PRRT3: variants seen among roughly 807,000 people sequenced by gnomAD.
PRRT3 encodes the protein proline rich transmembrane protein 3.
In PRRT3, 48 loss-of-function variants were observed where a neutral mutation model predicts 56.6. The observed-to-expected ratio is 0.85, with a 90% CI of 0.67 to 1.08. The LOEUF is 1.08. Among genes scored for constraint, PRRT3 ranks in the 50% least tolerant of loss-of-function variants. The probability of loss-of-function intolerance (pLI) is 0.00; values close to 1 mark genes in which losing one functional copy is unlikely to be tolerated. For missense variants in PRRT3, 1,370 were observed against 1,353.1 expected, an observed-to-expected ratio of 1.01 and a Z score of -0.20; for synonymous variants, 641 against 619.1, an observed-to-expected ratio of 1.04 and a Z score of -0.52.
Position 9,947,259 on chromosome 3 carries a change from C to G in PRRT3, c.1914G>C (p.Arg638=). 1 of 1,510,072 alleles carries G rather than the reference C, an allele frequency of 6.6e-7. No homozygotes were observed. The highest frequency in any genetic ancestry group is 1.3e-5 in the South Asian group (1 of 79,904). 93.5% of individuals were successfully genotyped at this position (1,510,072 alleles called of 1,614,324 possible). ...CCAGCGCGCCCGCCACAGCCAACAGCCGAGGGCCCGGGCTGGCATCCCAGC... is the reference window on the plus strand; with the variant it reads ...CCAGCGCGCCCGCCACAGCCAACAGGCGAGGGCCCGGGCTGGCATCCCAGC... ...PRGWDASPGP[R]LLAVAGALGL... is the part of the protein sequence containing the mutation. Residue 638 remains arginine, a synonymous_variant, in exon 4 of 4, where the codon CGG becomes CGC. Coordinates refer to ENST00000412055, the MANE Select transcript of PRRT3 (RefSeq NM_207351.5). The surrounding 1 kb of genome is among the most constrained non-coding windows in gnomAD (Gnocchi z 9.2).
At position 9,947,133 on chromosome 3, in the gene PRRT3, G is replaced by C. The variant is rs1419046599; in HGVS notation, c.2040C>G (p.Phe680Leu). The change falls in exon 4 of 4, where the codon TTC becomes TTG. Residue 680 changes from phenylalanine to leucine, a missense_variant. By Grantham distance (22) the Phe-to-Leu change is conservative. Coordinates refer to ENST00000412055, the MANE Select transcript of PRRT3 (RefSeq NM_207351.5). The surrounding 1 kb of genome is among the most constrained non-coding windows in gnomAD (Gnocchi z 9.2). The stretch of plus-strand genomic sequence containing the variant: ...ATGTCAGCTCCAGGAGGCGCAGCCA[G>C]AAGTGGACACCCCACCAGGCCCACG... ...RFSWAWWGVH[F>L]WLRLLELTWA... The C allele has an allele frequency of 6.5e-7, 1 of 1,538,906 alleles. No individual in the cohort carries two copies. Among genetic ancestry groups the C allele is most frequent in the Non-Finnish European group, 8.7e-7 (1 of 1,148,024 alleles).
intron 1 of PRRT3, among the ~76,000 whole-genome samples, chr3:9,951,640 T>C (rs1263307318): frequency 6.6e-6 from 1 of 152,184 alleles, no homozygotes; most frequent in Non-Finnish European, 1.5e-5. Flanking sequence ...AGGGGTGCGC[T>C]GAGACGCCCC....
chr3:9,947,103 C>G lies in PRRT3; in HGVS notation c.2070G>C (p.Ala690=). 1.3e-6 allele frequency: 2 copies of G among 1,537,132 alleles called. No individual in the cohort carries two copies. The change falls in exon 4 of 4, where the codon GCG becomes GCC. Residue 690 remains alanine, a synonymous_variant. Coordinates refer to ENST00000412055, the MANE Select transcript of PRRT3 (RefSeq NM_207351.5). This position sits in a 1 kb window ranked among gnomAD's most constrained non-coding sequence, Gnocchi z 9.2. ...FWLRLLELTW[A]LALALAAVAA... ...CCACCGCGGCCAACGCCAGGGCGAG[C>G]GCCCATGTCAGCTCCAGGAGGCGCA...
At position 9,946,356 on chromosome 3, in the gene PRRT3, C is replaced by T. The variant is rs989539797; in HGVS notation, c.2817G>A (p.Gln939=). The T allele has an allele frequency of 5.0e-6, 8 of 1,610,954 alleles. No individual in the cohort carries two copies. Among genetic ancestry groups the T allele is most frequent in the Non-Finnish European group, 6.8e-6 (8 of 1,178,860 alleles). ...LPLDELPSTV[Q]LLPAPTPAPD... is the part of the protein sequence containing the mutation. ...GGGCTGGGGTCGGGGCAGGCAGTAG[C>T]TGTACCGTGCTGGGCAACTCATCTA... The change falls in exon 4 of 4, where the codon CAG becomes CAA. Residue 939 remains glutamine (Q), a synonymous_variant. Transcript: ENST00000412055. The surrounding 1 kb of genome is among the most constrained non-coding windows in gnomAD (Gnocchi z 4.1).
chr3:9,947,935 G>C lies in PRRT3; in HGVS notation c.1238C>G (p.Ser413Trp). The change falls in exon 4 of 4, where the codon TCG becomes TGG. Residue 413 changes from serine (S) to tryptophan (W), a missense_variant. Physicochemically the swap from Ser to Trp is radical, Grantham distance 177. Coordinates refer to ENST00000412055, the MANE Select transcript of PRRT3 (RefSeq NM_207351.5). The surrounding 1 kb of genome is among the most constrained non-coding windows in gnomAD (Gnocchi z 9.2). ...HPPAPPVQAP[S>W]TSRRGLIRVT... is the part of the protein sequence containing the mutation. ...TCGAATGAGGCCCCGGCGTGACGTC[G>C]AGGGGGCCTGGACTGGGGGTGCTGG... 7.1e-7 allele frequency: 1 copy of C among 1,414,342 alleles called. No homozygotes were observed. Among genetic ancestry groups the C allele is most frequent in the East Asian group, 2.7e-5 (1 of 36,784 alleles). 87.6% of individuals were successfully genotyped at this position (1,414,342 alleles called of 1,614,324 possible). A position where few individuals can be genotyped will look rare whatever the true frequency, so the allele number is the denominator to read the frequency against.
chr3:9,946,895 C>G lies in PRRT3; in HGVS notation c.2278G>C (p.Glu760Gln), dbSNP rs2085533729. 4 of 1,539,094 alleles carry G rather than the reference C, an allele frequency of 2.6e-6. No individual in the cohort carries two copies. The highest frequency in any genetic ancestry group is 2.0e-5 in the Admixed American group (1 of 51,224). The part of the protein sequence containing the change: ...ISKSLIRNPA[E>Q]SGQLATPSSG... ...CTGGGCGTGGCCAGCTGCCCACTCT[C>G]CGCCGGGTTGCGGATGAGGCTCTTG... is the stretch of plus-strand genomic sequence containing the variant. Residue 760 changes from glutamate (E) to glutamine (Q), a missense_variant, in exon 4 of 4, where the codon GAG becomes CAG. Physicochemically the swap from Glu to Gln is conservative, Grantham distance 29. Coordinates refer to ENST00000412055, the MANE Select transcript of PRRT3 (RefSeq NM_207351.5). This position sits in a 1 kb window ranked among gnomAD's most constrained non-coding sequence, Gnocchi z 4.1.
Position 9,946,204 on chromosome 3 carries a change from T to C in PRRT3, c.*23A>G. The C allele has an allele frequency of 6.2e-7, 1 of 1,606,086 alleles. No individual in the cohort carries two copies. The highest frequency in any genetic ancestry group is 1.7e-5 in the Admixed American group (1 of 59,348). ...GCCATGTGGGCATCGGGCAGGGTCCTGGCCCTGCGTCAGGACCGCTCTTCA... is the reference window on the plus strand; with the variant it reads ...GCCATGTGGGCATCGGGCAGGGTCCCGGCCCTGCGTCAGGACCGCTCTTCA... On this transcript the variant is annotated 3_prime_UTR_variant, in exon 4 of 4. Transcript: ENST00000412055. This position sits in a 1 kb window ranked among gnomAD's most constrained non-coding sequence, Gnocchi z 4.1.
Position 9,949,362 on chromosome 3 carries a change from C to A in PRRT3, c.754G>T (p.Val252Phe), listed in dbSNP as rs774085687. 9.9e-6 allele frequency: 16 copies of A among 1,614,090 alleles called. No individual in the cohort carries two copies. Among genetic ancestry groups the A allele is most frequent in the Non-Finnish European group, 1.3e-5 (15 of 1,180,052 alleles). ...ACCTCAACTGGGGGTACTGAGCCAA[C>A]ATCAGGGGCTGCTGGATCCTGCTGG... ...FTQQDPAAPD[V>F]GSVPPVEVVY... The change falls in exon 2 of 4, where the codon GTT becomes TTT. Residue 252 changes from valine (V) to phenylalanine (F), a missense_variant. Val to Phe is a conservative substitution (Grantham distance 50). Coordinates refer to ENST00000412055, the MANE Select transcript of PRRT3 (RefSeq NM_207351.5). The surrounding 1 kb of genome is among the most constrained non-coding windows in gnomAD (Gnocchi z 4.5).
In PRRT3 at chr3:9,946,530, G is replaced by A; in HGVS notation, c.2643C>T (p.Arg881=). The A allele has an allele frequency of 6.8e-7, 1 of 1,467,906 alleles. No homozygotes were observed. The highest frequency in any genetic ancestry group is 9.0e-7 in the Non-Finnish European group (1 of 1,107,780). 90.9% of individuals were successfully genotyped at this position (1,467,906 alleles called of 1,614,324 possible). ...CCACTACGTGCTGTGGGACCGGCCCGCGCACGCGCACGTCGCTGAGCGACC... is the reference window on the plus strand; with the variant it reads ...CCACTACGTGCTGTGGGACCGGCCCACGCACGCGCACGTCGCTGAGCGACC... The part of the protein sequence containing the change: ...RCRSLSDVRV[R]GPVPQHVVEA... The change falls in exon 4 of 4, where the codon CGC becomes CGT. Residue 881 remains arginine, a synonymous_variant. Transcript: ENST00000412055. The surrounding 1 kb of genome is among the most constrained non-coding windows in gnomAD (Gnocchi z 4.1).
In PRRT3 at chr3:9,950,033, C is replaced by T; in HGVS notation, c.83G>A (p.Arg28Lys). Residue 28 changes from arginine to lysine, a missense_variant, in exon 2 of 4, where the codon AGG becomes AAG. Coordinates refer to ENST00000412055, the MANE Select transcript of PRRT3 (RefSeq NM_207351.5). ...PLLGTGPALGRGFPRPLENSE... is the reference protein window; with the variant it reads ...PLLGTGPALGKGFPRPLENSE... ...GTTTTCAAGTGGCCTGGGAAAGCCC[C>T]TCCCCAGGGCAGGGCCAGTCCCCAG... is the stretch of plus-strand genomic sequence containing the variant. 2 of 1,523,240 alleles carry T rather than the reference C, an allele frequency of 1.3e-6. No individual in the cohort carries two copies. The highest frequency in any genetic ancestry group is 1.8e-6 in the Non-Finnish European group (2 of 1,138,734). The allele number at this position is 1,523,240 out of a possible 1,614,324, so 94.4% of individuals were successfully genotyped here.
chr3:9,946,906 C>A lies in PRRT3; in HGVS notation c.2267G>T (p.Arg756Leu). 6.5e-7 allele frequency: 1 copy of A among 1,539,324 alleles called. No individual in the cohort carries two copies. The highest frequency in any genetic ancestry group is 1.2e-5 in the South Asian group (1 of 84,372). Residue 756 changes from arginine to leucine, a missense_variant, in exon 4 of 4, where the codon CGC (arginine) becomes CTC (leucine). Coordinates refer to ENST00000412055, the MANE Select transcript of PRRT3 (RefSeq NM_207351.5). The surrounding 1 kb of genome is among the most constrained non-coding windows in gnomAD (Gnocchi z 4.1). The part of the protein sequence containing the change: ...GSLDISKSLI[R>L]NPAESGQLAT... Reference sequence around the variant, plus strand: ...CAGCTGCCCACTCTCCGCCGGGTTGCGGATGAGGCTCTTGCTGATGTCCAA... The same window carrying A: ...CAGCTGCCCACTCTCCGCCGGGTTGAGGATGAGGCTCTTGCTGATGTCCAA...
In PRRT3 at chr3:9,949,266, GCTC is replaced by G. The variant is rs1344739438; in HGVS notation, c.847_849del (p.Glu283del). 6.2e-7 allele frequency: 1 copy of G among 1,604,810 alleles called. No homozygotes were observed. The highest frequency in any genetic ancestry group is 1.1e-5 in the South Asian group (1 of 90,166). Reference sequence around the variant, plus strand: ...GCCCTCTTGGGGGTCTCAACCGGCAGCTCCTCAGCAGGAGGAAGGCTTCTGGCC... The same window carrying G: ...GCCCTCTTGGGGGTCTCAACCGGCAGCTCAGCAGGAGGAAGGCTTCTGGCC... On this transcript the variant is annotated inframe_deletion, in exon 2 of 4. Coordinates refer to ENST00000412055, the MANE Select transcript of PRRT3 (RefSeq NM_207351.5). The surrounding 1 kb of genome is among the most constrained non-coding windows in gnomAD (Gnocchi z 4.5).
chr3:9,948,068 G>T, intron 3 of PRRT3, 67 bp from the exon 4 acceptor site: 1 of 1,268,552 alleles, frequency 7.9e-7, no homozygotes, highest in Non-Finnish European at 9.9e-7. Context: ...ACCCTCTAGT[G>T]TGGTTGGCAA....
At position 9,946,888 on chromosome 3, in the gene PRRT3, C is replaced by T. The variant is rs2085533580; in HGVS notation, c.2285G>A (p.Gly762Glu). The T allele has an allele frequency of 1.3e-6, 2 of 1,538,952 alleles. No homozygotes were observed. The highest frequency in any genetic ancestry group is 2.0e-5 in the Admixed American group (1 of 51,234). Residue 762 changes from glycine to glutamate, a missense_variant, in exon 4 of 4, where the codon GGG becomes GAG. Physicochemically the swap from Gly to Glu is moderately conservative, Grantham distance 98 (BLOSUM62 -2). Coordinates refer to ENST00000412055, the MANE Select transcript of PRRT3 (RefSeq NM_207351.5). This position sits in a 1 kb window ranked among gnomAD's most constrained non-coding sequence, Gnocchi z 4.1. Reference protein sequence around the residue: ...KSLIRNPAESGQLATPSSGAW... With the variant: ...KSLIRNPAESEQLATPSSGAW... Reference sequence around the variant, plus strand: ...GCCTGAACTGGGCGTGGCCAGCTGCCCACTCTCCGCCGGGTTGCGGATGAG... The same window carrying T: ...GCCTGAACTGGGCGTGGCCAGCTGCTCACTCTCCGCCGGGTTGCGGATGAG...
chr3:9,950,558 A>G (rs2085606878), intron 1 of PRRT3, among the ~76,000 whole-genome samples: 2 of 152,332 alleles, frequency 1.3e-5, no homozygotes, highest in African/African-American at 2.4e-5. Context: ...GCTGGAGTGC[A>G]GTGGCGTGAT....
At chr3:9,948,212 T>C in intron 3 of PRRT3, 1 of 424,584 alleles carries the variant, frequency 2.4e-6, no homozygotes, top group East Asian at 3.6e-5. Context: ...GCTATCATTT[T>C]CATTAATGCT....
At chr3:9,951,831 C>T (rs940360433) in intron 1 of PRRT3, among the ~76,000 whole-genome samples, 2 of 152,256 alleles carry the variant, frequency 1.3e-5, no homozygotes, top group African/African-American at 2.4e-5. Context: ...GGTCACACAG[C>T]TGAGTGGACA....
rs2085590921 is a variant in PRRT3 at position 9,949,697 on chromosome 3, T to G, written c.419A>C (p.Glu140Ala). 1 of 1,614,092 alleles carries G rather than the reference T, an allele frequency of 6.2e-7. No individual in the cohort carries two copies. The highest frequency in any genetic ancestry group is 2.2e-5 in the East Asian group (1 of 44,860). The change falls in exon 2 of 4, where the codon GAA becomes GCA. Residue 140 changes from glutamate to alanine, a missense_variant. Glu to Ala is a moderately radical substitution (Grantham distance 107). Coordinates refer to ENST00000412055, the MANE Select transcript of PRRT3 (RefSeq NM_207351.5). This position sits in a 1 kb window ranked among gnomAD's most constrained non-coding sequence, Gnocchi z 4.5. ...PLDSQELLQQ[E>A]AVAPHPVGHP... ...GCCCACTGGGTGGGGAGCCACTGCT[T>G]CTTGCTGCAGAAGCTCTTGTGAGTC...
At position 9,946,380 on chromosome 3, in the gene PRRT3, T is replaced by C. The variant is rs1256364842; in HGVS notation, c.2793A>G (p.Leu931=). 1 of 1,608,810 alleles carries C rather than the reference T, an allele frequency of 6.2e-7. No individual in the cohort carries two copies. Among genetic ancestry groups the C allele is most frequent in the Non-Finnish European group, 8.5e-7 (1 of 1,177,218 alleles). ...GCTGTACCGTGCTGGGCAACTCATCTAGGGGCAGACTGTCCACTGATGACA... is the reference window on the plus strand; with the variant it reads ...GCTGTACCGTGCTGGGCAACTCATCCAGGGGCAGACTGTCCACTGATGACA... The part of the protein sequence containing the change: ...HGLSSVDSLP[L]DELPSTVQLL... The change falls in exon 4 of 4, where the codon CTA becomes CTG. Residue 931 remains leucine (L), a synonymous_variant. Transcript: ENST00000412055. The surrounding 1 kb of genome is among the most constrained non-coding windows in gnomAD (Gnocchi z 4.1).
Sources: allele counts gnomAD v4.1 joint callset (sites outside exome capture counted in the v4.1 genomes callset), GRCh38; gene constraint gnomAD v4.1.1; non-coding constraint Gnocchi (gnomAD v3.1); transcripts MANE v1.5; gene names NCBI Gene and HGNC (gene_info 2026-07-23, HGNC 2026-07-21).